Variants in ZFHX3 observed in about 807,000 individuals in gnomAD.
ZFHX3 encodes zinc finger homeobox protein 3.
In ZFHX3, 42 loss-of-function variants were observed where a neutral mutation model predicts 279.1. That is an observed-to-expected ratio of 0.15 (90% CI 0.12 to 0.19). The LOEUF is 0.19. ZFHX3 is among the 10% of genes least tolerant of loss of function. ZFHX3 has a pLI of 1.00. For synonymous variants in ZFHX3, 2,293 were observed against 1,957.8 expected (o/e 1.17, Z -4.52); for missense variants, 4,981 against 4,754.0 (o/e 1.05, Z -1.40).
intron 1 of ZFHX3, among the ~76,000 whole-genome samples, chr16:73,868,550 G>T (rs1179529646): frequency 6.6e-6 from 1 of 152,174 alleles, no homozygotes; most frequent in Non-Finnish European, 1.5e-5. Flanking sequence ...TTTAAACAAT[G>T]TAACAGTTGC....
At chr16:73,096,110 C>T (rs776715229) in intron 7 of ZFHX3, among the ~76,000 whole-genome samples, 2 of 152,146 alleles carry the variant, frequency 1.3e-5, no homozygotes, top group East Asian at 3.9e-4. Context: ...CTCCTCCCAG[C>T]ACCTGGTTGG....
At chr16:73,883,618 G>C (rs374743938) in intron 1 of ZFHX3, among the ~76,000 whole-genome samples, 16 of 151,844 alleles carry the variant, frequency 1.1e-4, no homozygotes, top group African/African-American at 3.9e-4. Flanking sequence ...AGAAAGGCGC[G>C]GTAAAAATCA....
In ZFHX3 at chr16:73,444,618, A is replaced by C. The variant is rs555779491; in HGVS notation, c.-1291+11385T>G. On this transcript the variant is annotated intron_variant, in intron 3 of 17. Transcript: ENST00000641206. Reference sequence around the variant, plus strand: ...TAGAATATCTTTATAAAAGGACATTACTTGAAAGTTGAATTCCAGGTGAGC... The same window carrying C: ...TAGAATATCTTTATAAAAGGACATTCCTTGAAAGTTGAATTCCAGGTGAGC... Among the ~76,000 whole-genome samples the C allele has an allele frequency of 8.5e-5, 13 of 152,362 alleles. No individual in the cohort carries two copies. The South Asian group carries it at 1.9e-3, about 22-fold the overall frequency.
At chr16:72,946,618 A>G (rs908725336) in intron 3 of ZFHX3, among the ~76,000 whole-genome samples, 1 of 152,168 alleles carries the variant, frequency 6.6e-6, no homozygotes, top group Middle Eastern at 3.2e-3. Context: ...AGAGCTCACC[A>G]TGGACGTCAC....
Position 72,787,694 on chromosome 16 carries a change from AGCCGCCGCCGCCGCC to A in ZFHX3, c.10567_10581del (p.Gly3523_Gly3527del), listed in dbSNP as rs374416547. 261 of 1,420,684 alleles carry A rather than the reference AGCCGCCGCCGCCGCC, an allele frequency of 1.8e-4. 34 individuals carry two copies. Among genetic ancestry groups the A allele is most frequent in the Middle Eastern group, 1.6e-3 (8 of 5,134 alleles). 88.0% of individuals were successfully genotyped at this position (1,420,684 alleles called of 1,614,324 possible). ...CTCTCGCACGCCAGGCAGTGGTACG[AGCCGCCGCCGCCGCC>A]GCCGCCGCCACCGCCGCCGCCGCCG... On this transcript the variant is annotated inframe_deletion, in exon 10 of 10. Transcript: ENST00000268489.
At chr16:73,398,149 G>C (rs990390237) in intron 3 of ZFHX3, among the ~76,000 whole-genome samples, 1 of 152,140 alleles carries the variant, frequency 6.6e-6, no homozygotes, top group African/African-American at 2.4e-5. Flanking sequence ...CCAGCCAAGA[G>C]GTCTGTTTTA....
intron 2 of ZFHX3, among the ~76,000 whole-genome samples, chr16:73,669,050 A>ATTTTTT (rs77659765): frequency 3.4e-5 from 5 of 149,018 alleles, no homozygotes; most frequent in Non-Finnish European, 5.9e-5. Flanking sequence ...TCTATTTATT[A>ATTTTTT]TTTTTTTTCT....
chr16:72,999,369 C>G (rs988364544), intron 1 of ZFHX3, among the ~76,000 whole-genome samples: 2 of 152,180 alleles, frequency 1.3e-5, no homozygotes, highest in African/African-American at 4.8e-5. Flanking sequence ...GTTGGCCAGG[C>G]TGGTCTCGAA....
At chr16:73,001,315 T>A (rs1963490446) in intron 1 of ZFHX3, among the ~76,000 whole-genome samples, 1 of 152,050 alleles carries the variant, frequency 6.6e-6, no homozygotes, top group African/African-American at 2.4e-5. Context: ...TTTCAGTCTG[T>A]CCCCAGTCAA....
chr16:73,716,141 A>G (rs1245106649), intron 1 of ZFHX3, among the ~76,000 whole-genome samples: 1 of 152,190 alleles, frequency 6.6e-6, no homozygotes, highest in Non-Finnish European at 1.5e-5. Flanking sequence ...ATGGCCCACA[A>G]GAACCATCAT....
chr16:72,994,390 C>A (rs906568574), intron 1 of ZFHX3, among the ~76,000 whole-genome samples: 4 of 152,202 alleles, frequency 2.6e-5, no homozygotes, highest in Non-Finnish European at 4.4e-5. Context: ...GATGGAATGA[C>A]TTCCCCTCCC....
intron 5 of ZFHX3, among the ~76,000 whole-genome samples, chr16:73,251,046 TTTC>T (rs1435805923): frequency 7.9e-5 from 12 of 152,184 alleles, no homozygotes; most frequent in African/African-American, 2.9e-4. Context: ...AAGAATTTAT[TTTC>T]TTCTTCAATT....
intron 1 of ZFHX3, among the ~76,000 whole-genome samples, chr16:72,968,228 A>G (rs1233344320): frequency 2.6e-5 from 4 of 152,006 alleles, no homozygotes; most frequent in Non-Finnish European, 5.9e-5. Context: ...GGCAAATCCA[A>G]CTGAGGACAG....
chr16:73,381,393 A>C (rs1443156300), intron 3 of ZFHX3, among the ~76,000 whole-genome samples: 1 of 152,194 alleles, frequency 6.6e-6, no homozygotes, highest in African/African-American at 2.4e-5. Context: ...GAGGGATATG[A>C]CTAGCTGTAT....
intron 8 of ZFHX3, among the ~76,000 whole-genome samples, chr16:73,076,587 A>G (rs934477722): frequency 2.0e-5 from 3 of 152,218 alleles, no homozygotes; most frequent in African/African-American, 7.2e-5. Context: ...CATAAAAGTA[A>G]TATCATCACT....
At chr16:72,956,477 G>A (rs1212576933) in intron 2 of ZFHX3, among the ~76,000 whole-genome samples, 1 of 152,134 alleles carries the variant, frequency 6.6e-6, no homozygotes, top group Non-Finnish European at 1.5e-5. Context: ...GATTGTTTTG[G>A]CAGCAGCAGC....
intron 3 of ZFHX3, among the ~76,000 whole-genome samples, chr16:73,327,880 T>C (rs1284141439): frequency 6.6e-6 from 1 of 152,214 alleles, no homozygotes; most frequent in Non-Finnish European, 1.5e-5. Flanking sequence ...CTTGCTGGCC[T>C]GGAATGCCTC....
intron 5 of ZFHX3, among the ~76,000 whole-genome samples, chr16:73,220,375 A>G (rs949668878): frequency 5.3e-5 from 8 of 152,314 alleles, no homozygotes; most frequent in South Asian, 2.1e-4. Flanking sequence ...ACAATAAAAT[A>G]AAATTTTGAT....
chr16:73,549,288 T>C (rs750714696), intron 2 of ZFHX3, among the ~76,000 whole-genome samples: 1 of 152,180 alleles, frequency 6.6e-6, no homozygotes, highest in Non-Finnish European at 1.5e-5. Flanking sequence ...AACATAATTC[T>C]TAAACATTTT....
Sources: allele counts gnomAD v4.1 joint callset (sites outside exome capture counted in the v4.1 genomes callset), GRCh38; gene constraint gnomAD v4.1.1; transcripts MANE v1.5; gene names NCBI Gene and HGNC (gene_info 2026-07-23, HGNC 2026-07-21).